The following PTGR2 variants were observed in gnomAD, a reference collection of about 807,000 sequenced individuals.
PTGR2 encodes the protein 15-oxoprostaglandin 13-reductase.
A neutral mutation model predicts 43.4 loss-of-function variants in PTGR2; 32 were observed. The ratio of observed to expected loss-of-function variants is 0.74; its 90% CI spans 0.56 to 0.99. PTGR2 has a LOEUF of 0.99. Ranked by LOEUF, PTGR2 falls within the 50% of genes least tolerant of loss-of-function variation. PTGR2 has a pLI of 0.00. For synonymous variants in PTGR2, 106 were observed against 139.2 expected, an observed-to-expected ratio of 0.76 and a Z score of 1.68; for missense variants, 373 against 420.0, an observed-to-expected ratio of 0.89 and a Z score of 0.98.
chr14:73,885,613 C>T lies in PTGR2; in HGVS notation c.*1436C>T, dbSNP rs979658077. The stretch of plus-strand genomic sequence containing the variant: ...TACTTTTCCTGGACCATTTCATCGC[C>T]TGAGGGGGTTTCACTTTTCTCTGTA... On this transcript the variant is annotated 3_prime_UTR_variant, in exon 10 of 10. Coordinates refer to ENST00000555661, the MANE Select transcript of PTGR2 (RefSeq NM_001146154.2). 2.0e-4 allele frequency: 31 copies of T among 152,288 alleles called. No homozygotes were observed. Among genetic ancestry groups the T allele is most frequent in the African/African-American group, 6.3e-4 (26 of 41,548 alleles). The allele number at this position is 152,288 out of a possible 1,614,324, so 9.4% of individuals were successfully genotyped here.
chr14:73,877,841 G>A (rs2054898566), intron 5 of PTGR2: 1 of 152,166 alleles, frequency 6.6e-6, no homozygotes, highest in African/African-American at 2.4e-5. Context: ...TTGAATTCTA[G>A]AAGTGTAAAC....
At chr14:73,864,367 A>C (rs2054557193) in intron 3 of PTGR2, among the ~76,000 whole-genome samples, 1 of 152,210 alleles carries the variant, frequency 6.6e-6, no homozygotes, top group African/African-American at 2.4e-5. Flanking sequence ...GGAACTACCG[A>C]ACTATTTTCC....
At chr14:73,861,677 A>G (rs1020311336) in intron 3 of PTGR2, 1 of 152,198 alleles carries the variant, frequency 6.6e-6, no homozygotes, top group Non-Finnish European at 1.5e-5. Flanking sequence ...TTGAGGCTGC[A>G]TTGAGCCATG....
chr14:73,880,397 A>C (rs144516364), intron 7 of PTGR2: 41,288 of 436,964 alleles, frequency 0.094, 4,305 homozygotes, highest in East Asian at 0.44. Flanking sequence ...ACATGGTGAA[A>C]CCCCTTCTCT....
chr14:73,864,581 G>C (rs1206128882), intron 3 of PTGR2, among the ~76,000 whole-genome samples: 3 of 152,122 alleles, frequency 2.0e-5, no homozygotes, highest in African/African-American at 7.2e-5. Flanking sequence ...TTGGTCATTT[G>C]CATGTCTTTT....
At chr14:73,873,117 G>T (rs1259018030) in intron 3 of PTGR2, among the ~76,000 whole-genome samples, 1 of 152,052 alleles carries the variant, frequency 6.6e-6, no homozygotes, top group African/African-American at 2.4e-5. Context: ...AGACCAGCCT[G>T]ACCAACATGG....
At chr14:73,864,024 C>T (rs1425711028) in intron 3 of PTGR2, among the ~76,000 whole-genome samples, 2 of 152,182 alleles carry the variant, frequency 1.3e-5, no homozygotes, top group Non-Finnish European at 2.9e-5. Flanking sequence ...TCCTGAGTAG[C>T]TGGGGTTGTA....
intron 3 of PTGR2, among the ~76,000 whole-genome samples, chr14:73,872,279 T>C (rs988565855): frequency 6.6e-6 from 1 of 152,162 alleles, no homozygotes; most frequent in Non-Finnish European, 1.5e-5. Context: ...TGGTCTGAAG[T>C]TGGGATGAGC....
intron 3 of PTGR2, among the ~76,000 whole-genome samples, chr14:73,866,258 C>G (rs1181406072): frequency 6.6e-6 from 1 of 152,130 alleles, no homozygotes; most frequent in Non-Finnish European, 1.5e-5. Context: ...CCCACCTCGG[C>G]CTCCGAAAGT....
At chr14:73,869,801 G>A (rs893686999) in intron 3 of PTGR2, among the ~76,000 whole-genome samples, 9 of 151,926 alleles carry the variant, frequency 5.9e-5, no homozygotes, top group African/African-American at 9.7e-5. Context: ...TGAGGCGGGC[G>A]GATCACTTGA....
chr14:73,854,894 T>G (rs2140227561), intron 1 of PTGR2, among the ~76,000 whole-genome samples: 1 of 152,282 alleles, frequency 6.6e-6, no homozygotes, highest in South Asian at 2.1e-4. Flanking sequence ...CCTGAAGTAA[T>G]CAAGCCTCTA....
chr14:73,863,162 C>G (rs1342013611), intron 3 of PTGR2, among the ~76,000 whole-genome samples: 2 of 152,162 alleles, frequency 1.3e-5, no homozygotes, highest in African/African-American at 4.8e-5. Context: ...AGAAGAAACC[C>G]TGAACCTATG....
At chr14:73,876,127 T>C (rs2054858832) in intron 4 of PTGR2, among the ~76,000 whole-genome samples, 1 of 152,138 alleles carries the variant, frequency 6.6e-6, no homozygotes, top group African/African-American at 2.4e-5. Flanking sequence ...CCTTAAAGTT[T>C]CTTTAATATA....
At chr14:73,857,095 G>A (rs1374053957) in intron 1 of PTGR2, among the ~76,000 whole-genome samples, 1 of 151,670 alleles carries the variant, frequency 6.6e-6, no homozygotes, top group Non-Finnish European at 1.5e-5. Context: ...AACATAGCGA[G>A]ACCTCATCTC....
At chr14:73,852,761 A>G (rs2140222834) in intron 1 of PTGR2, among the ~76,000 whole-genome samples, 1 of 152,266 alleles carries the variant, frequency 6.6e-6, no homozygotes, top group Non-Finnish European at 1.5e-5. Context: ...CGGGAGGGGA[A>G]GGGGGAGACC....
Position 73,882,800 on chromosome 14 carries a change from C to CTTTTTTTTT in PTGR2, c.979+392_979+400dup, listed in dbSNP as rs35651032. ...CAAGCGTGAGCCACCACGCCTGGCC[C>CTTTTTTTTT]TTTTTTTTTTTTTTTTTTTTTTTTT... On this transcript the variant is annotated intron_variant, in intron 9 of 9. Transcript: ENST00000555661. Among the ~76,000 whole-genome samples the CTTTTTTTTT allele has an allele frequency of 1.9e-4, 8 of 41,868 alleles. 1 individual carries two copies. The highest frequency in any genetic ancestry group is 3.2e-4 in the Non-Finnish European group (7 of 21,900). 27.5% of individuals were successfully genotyped at this position (41,868 alleles called of 152,430 possible).
chr14:73,881,062 G>C, intron 7 of PTGR2, 143 bp from the exon 8 acceptor site: 1 of 535,812 alleles, frequency 1.9e-6, no homozygotes, highest in Non-Finnish European at 3.4e-6. Flanking sequence ...CTGTAACTAT[G>C]CATAAAACTA....
At chr14:73,854,127 A>G (rs1278525404) in intron 1 of PTGR2, among the ~76,000 whole-genome samples, 1 of 151,884 alleles carries the variant, frequency 6.6e-6, no homozygotes, top group Non-Finnish European at 1.5e-5. Flanking sequence ...TTTGAGACAA[A>G]GTTTCGCTCT....
At position 73,874,239 on chromosome 14, in the gene PTGR2, A is replaced by G. The variant is rs778983676; in HGVS notation, c.348+25A>G. ...GGTGATATATATATGAACATATCTG[A>G]TTTTTTTTCCCCGTATAATTCTTAC... is the stretch of plus-strand genomic sequence containing the variant. On this transcript the variant is annotated intron_variant, in intron 4 of 9. Transcript: ENST00000555661. 21 of 1,511,752 alleles carry G rather than the reference A, an allele frequency of 1.4e-5. No homozygotes were observed. The East Asian group carries it at 4.1e-4, about 30-fold the overall frequency. The allele number at this position is 1,511,752 out of a possible 1,614,324, so 93.6% of individuals were successfully genotyped here. A position where few individuals can be genotyped will look rare whatever the true frequency, so the allele number is the denominator to read the frequency against.
Sources: allele counts gnomAD v4.1 joint callset (sites outside exome capture counted in the v4.1 genomes callset), GRCh38; gene constraint gnomAD v4.1.1; transcripts MANE v1.5; gene names NCBI Gene and HGNC (gene_info 2026-07-23, HGNC 2026-07-21).